Variants in TNKS1BP1 observed in about 807,000 individuals in gnomAD.
TNKS1BP1 encodes the protein 182 kDa tankyrase-1-binding protein.
In TNKS1BP1, 48 loss-of-function variants were observed where a neutral mutation model predicts 141.1. The observed-to-expected ratio is 0.34, with a 90% confidence interval of 0.27 to 0.43. The LOEUF is 0.43. Among genes scored for constraint, TNKS1BP1 ranks in the 20% least tolerant of loss-of-function variants. The pLI is 1.00. For missense variants in TNKS1BP1, 2,149 were observed against 2,226.0 expected (o/e 0.97, Z 0.70); for synonymous variants, 875 against 898.2 (o/e 0.97, Z 0.46).
Position 57,302,794 on chromosome 11 carries a change from A to G in TNKS1BP1, c.4348T>C (p.Ser1450Pro). 1.3e-6 allele frequency: 2 copies of G among 1,549,840 alleles called. No individual in the cohort carries two copies. The highest frequency in any genetic ancestry group is 1.7e-6 in the Non-Finnish European group (2 of 1,150,946). ...TCCTCCAGCAGGCCCTGGGAGCCGG[A>G]GGGTGGGGGGCGGGCCGGGCACCTG... ...PGRCPARPPP[S>P]GSQGLLEEML... Residue 1450 changes from serine (S) to proline (P), a missense_variant, in exon 7 of 12, where the codon TCC becomes CCC. By Grantham distance (74) the Ser-to-Pro change is moderately conservative. Transcript: ENST00000358252. The surrounding 1 kb of genome is among the most constrained non-coding windows in gnomAD (Gnocchi z 5.5).
rs141792675 is a variant in TNKS1BP1, at chr11:57,308,464, G to C, written c.4247C>G (p.Ser1416Trp). The C allele has an allele frequency of 1.9e-6, 3 of 1,614,026 alleles. No individual in the cohort carries two copies. The highest frequency in any genetic ancestry group is 2.5e-6 in the Non-Finnish European group (3 of 1,180,024). Residue 1416 changes from serine to tryptophan, a missense_variant, in exon 6 of 12, where the codon TCG (serine) becomes TGG (tryptophan). Coordinates refer to ENST00000358252, the MANE Select transcript of TNKS1BP1 (RefSeq NM_033396.3). ...GPETQGEDYSSSSLEPHPADP... is the reference protein window; with the variant it reads ...GPETQGEDYSWSSLEPHPADP... The stretch of plus-strand genomic sequence containing the variant: ...TGCAGGGTGTGGCTCCAAGGAAGAC[G>C]AGGAGTAATCTTCACCCTGGGTCTC...
chr11:57,324,194 C>T (rs1020768153), intron 1 of TNKS1BP1, among the ~76,000 whole-genome samples: 4 of 152,210 alleles, frequency 2.6e-5, no homozygotes, highest in African/African-American at 9.6e-5. Flanking sequence ...GGATCTCCAG[C>T]CGGATCCGAG....
chr11:57,300,334 C>A (rs182661079), intron 11 of TNKS1BP1, among the ~76,000 whole-genome samples, 194 bp downstream of exon 11: 88 of 152,344 alleles, frequency 5.8e-4, no homozygotes, highest in African/African-American at 1.9e-3. Flanking sequence ...GGCCAGACAA[C>A]AACCTGACCT....
chr11:57,302,539 G>C lies in TNKS1BP1; in HGVS notation c.4603C>G (p.Gln1535Glu), dbSNP rs781668743. The C allele has an allele frequency of 1.2e-6, 2 of 1,613,096 alleles. No homozygotes were observed. Among genetic ancestry groups the C allele is most frequent in the East Asian group, 4.5e-5 (2 of 44,838 alleles). The change falls in exon 7 of 12, where the codon CAG becomes GAG. Residue 1535 changes from glutamine to glutamate, a missense_variant. Physicochemically the swap from Gln to Glu is conservative, Grantham distance 29. Coordinates refer to ENST00000358252, the MANE Select transcript of TNKS1BP1 (RefSeq NM_033396.3). This position sits in a 1 kb window ranked among gnomAD's most constrained non-coding sequence, Gnocchi z 5.5. Reference protein sequence around the residue: ...WGSSAARWSDQGPAQTSRRPS... With the variant: ...WGSSAARWSDEGPAQTSRRPS... ...CGCCGAGAAGTCTGTGCTGGCCCCTGATCGCTCCACCTGGCTGCTGAAGAG... is the reference window on the plus strand; with the variant it reads ...CGCCGAGAAGTCTGTGCTGGCCCCTCATCGCTCCACCTGGCTGCTGAAGAG...
At chr11:57,304,809 T>C (rs1389024015) in intron 6 of TNKS1BP1, among the ~76,000 whole-genome samples, 1 of 141,492 alleles carries the variant, frequency 7.1e-6, no homozygotes, top group Non-Finnish European at 1.5e-5. Context: ...GTGGTGGAGG[T>C]TGCAGTGAGC....
In TNKS1BP1 at chr11:57,302,842, G is replaced by C; in HGVS notation, c.4317-17C>G. On this transcript the variant is annotated splice_polypyrimidine_tract_variant and intron_variant, in intron 6 of 11. Coordinates refer to ENST00000358252, the MANE Select transcript of TNKS1BP1 (RefSeq NM_033396.3). The surrounding 1 kb of genome is among the most constrained non-coding windows in gnomAD (Gnocchi z 5.5). ...CTGCCAGGGCTGTAAAGGGGACAGA[G>C]AGAGAACGAGATCATCGTAAGGCCC... The C allele has an allele frequency of 6.7e-7, 1 of 1,502,610 alleles. No individual in the cohort carries two copies. The highest frequency in any genetic ancestry group is 1.3e-5 in the South Asian group (1 of 77,128). The allele number at this position is 1,502,610 out of a possible 1,614,324, so 93.1% of individuals were successfully genotyped here.
At position 57,321,827 on chromosome 11, in the gene TNKS1BP1, A is replaced by G. The variant is rs1590597763; in HGVS notation, c.59T>C (p.Met20Thr). The G allele has an allele frequency of 9.3e-6, 15 of 1,610,716 alleles. No individual in the cohort carries two copies. The East Asian group carries it at 3.4e-4, about 36-fold the overall frequency. Residue 20 changes from methionine (M) to threonine (T), a missense_variant, in exon 2 of 12, where the codon ATG becomes ACG. By Grantham distance (81) the Met-to-Thr change is moderately conservative (BLOSUM62 -1). Transcript: ENST00000358252. ...SAMASPLPRE[M>T]EEELVPTGSE... is the part of the protein sequence containing the mutation. ...GCCAGTAGGCACCAGCTCCTCCTCC[A>G]TCTCCCGGGGCAGTGGGGAAGCCAT... is the stretch of plus-strand genomic sequence containing the variant.
Position 57,308,947 on chromosome 11 carries a change from A to G in TNKS1BP1, c.3764T>C (p.Val1255Ala). 1 of 1,613,964 alleles carries G rather than the reference A, an allele frequency of 6.2e-7. No homozygotes were observed. Among genetic ancestry groups the G allele is most frequent in the Non-Finnish European group, 8.5e-7 (1 of 1,179,992 alleles). Residue 1255 changes from valine to alanine, a missense_variant, in exon 6 of 12, where the codon GTG (valine) becomes GCG (alanine). Physicochemically the swap from Val to Ala is moderately conservative, Grantham distance 64 (BLOSUM62 0). Coordinates refer to ENST00000358252, the MANE Select transcript of TNKS1BP1 (RefSeq NM_033396.3). Reference protein sequence around the residue: ...GGHSQARESGVGQTDWSGVEA... With the variant: ...GGHSQARESGAGQTDWSGVEA... ...CACACCTGACCAGTCAGTCTGCCCC[A>G]CGCCACTCTCTCTGGCCTGGCTGTG...
intron 1 of TNKS1BP1, 21 bp downstream of exon 1, chr11:57,324,819 C>T: frequency 2.0e-6 from 2 of 985,604 alleles, no homozygotes; most frequent in Middle Eastern, 5.2e-4. Flanking sequence ...CTCCTTCGCC[C>T]GACCGCCCCC....
In TNKS1BP1 at chr11:57,313,796, C is replaced by T; in HGVS notation, c.892G>A (p.Gly298Ser). ...GGGTGAAGATGGGGAGAGCCAGGGC[C>T]TGAGCCTGAGGCTTCTGCGGGGAGG... ...PGLPAEASGS[G>S]PGSPHLHPPD... Residue 298 changes from glycine to serine, a missense_variant, in exon 5 of 12, where the codon GGC becomes AGC. Transcript: ENST00000358252. 6.3e-7 allele frequency: 1 copy of T among 1,586,454 alleles called. No homozygotes were observed. Among genetic ancestry groups the T allele is most frequent in the Non-Finnish European group, 8.6e-7 (1 of 1,167,856 alleles).
Position 57,301,064 on chromosome 11 carries a change from G to A in TNKS1BP1, c.4972-23C>T, listed in dbSNP as rs144862893. On this transcript the variant is annotated intron_variant, in intron 9 of 11. Transcript: ENST00000358252. ...GGCCTGAGAAGCAAGTCCAGAAGCA[G>A]ATAGATAGTAGAGGGACAGGCAGTA... 1.2e-3 allele frequency: 1,917 copies of A among 1,590,952 alleles called. 17 individuals carry two copies. The African/African-American group carries it at 0.023, about 19-fold the overall frequency.
intron 5 of TNKS1BP1, 146 bp from the exon 6 acceptor site, chr11:57,310,702 A>C: frequency 9.6e-7 from 1 of 1,046,328 alleles, no homozygotes; most frequent in Non-Finnish European, 1.4e-6. Context: ...AAATCACTTA[A>C]CCACTCTGGG....
intron 6 of TNKS1BP1, among the ~76,000 whole-genome samples, chr11:57,304,362 G>T (rs759524622): frequency 6.6e-6 from 1 of 152,230 alleles, no homozygotes; most frequent in Non-Finnish European, 1.5e-5. Flanking sequence ...AGACATTGGG[G>T]GAGGAGGCAG....
At position 57,313,639 on chromosome 11, in the gene TNKS1BP1, T is replaced by G. The variant is rs756980640; in HGVS notation, c.1049A>C (p.His350Pro). The change falls in exon 5 of 12, where the codon CAC (histidine) becomes CCC (proline). Residue 350 changes from histidine (H) to proline (P), a missense_variant. Coordinates refer to ENST00000358252, the MANE Select transcript of TNKS1BP1 (RefSeq NM_033396.3). Reference sequence around the variant, plus strand: ...GGCAGGGAGCCCCGGGCTGGGGGTGTGGCGGGAGCCCTCGTCAGGCAGGGC... The same window carrying G: ...GGCAGGGAGCCCCGGGCTGGGGGTGGGGCGGGAGCCCTCGTCAGGCAGGGC... ...SAALPDEGSRHTPSPGLPAEG... is the reference protein window; with the variant it reads ...SAALPDEGSRPTPSPGLPAEG... The G allele has an allele frequency of 6.8e-5, 106 of 1,563,182 alleles. No individual in the cohort carries two copies. The African/African-American group carries it at 1.2e-3, about 18-fold the overall frequency.
chr11:57,308,658 C>T lies in TNKS1BP1; in HGVS notation c.4053G>A (p.Gln1351=). Residue 1351 remains glutamine (Q), a synonymous_variant, in exon 6 of 12, where the codon CAG becomes CAA. Transcript: ENST00000358252. Reference sequence around the variant, plus strand: ...TTGGAGCCCCAAAGAGCTCCACATTCTGGGGCGCCAAGTCCTGGGTCCAGT... The same window carrying T: ...TTGGAGCCCCAAAGAGCTCCACATTTTGGGGCGCCAAGTCCTGGGTCCAGT... ...QMDWTQDLAP[Q]NVELFGAPSE... 1 of 1,612,476 alleles carries T rather than the reference C, an allele frequency of 6.2e-7. No homozygotes were observed.
At chr11:57,300,778 G>A in intron 10 of TNKS1BP1, 106 bp downstream of exon 10, 2 of 1,527,080 alleles carry the variant, frequency 1.3e-6, no homozygotes, top group Non-Finnish European at 1.8e-6. Flanking sequence ...GTCCGACTGA[G>A]GTTCCTCTTT....
chr11:57,319,915 T>C (rs1855855467), intron 3 of TNKS1BP1, 164 bp downstream of exon 3: 2 of 798,628 alleles, frequency 2.5e-6, no homozygotes, highest in East Asian at 5.2e-5. Flanking sequence ...GGGGAATGAT[T>C]TGTGACCTAG....
At chr11:57,321,137 T>C (rs1194040720) in intron 2 of TNKS1BP1, among the ~76,000 whole-genome samples, 1 of 152,134 alleles carries the variant, frequency 6.6e-6, no homozygotes, top group Non-Finnish European at 1.5e-5. Context: ...TGTGACACTC[T>C]TCTCTATCAT....
chr11:57,311,343 CCCATCCCCAGGCTGGGCCATGG>C, intron 5 of TNKS1BP1: 1 of 985,808 alleles, frequency 1.0e-6, no homozygotes, highest in African/African-American at 1.7e-5. Context: ...TGCTGGCCTC[CCCATCCCCAGGCTGGGCCATGG>C]CCCCCCGCCC....
Sources: gnomAD v4.1 joint callset for allele counts (sites outside exome capture counted in the v4.1 genomes callset) on GRCh38, gnomAD v4.1.1 for gene constraint, Gnocchi (gnomAD v3.1) non-coding constraint, MANE v1.5 for transcripts, NCBI Gene and HGNC (gene_info 2026-07-23, HGNC 2026-07-21) for gene names.